CACNB2: variants seen among roughly 807,000 people sequenced by gnomAD.
CACNB2 encodes calcium voltage-gated channel auxiliary subunit beta 2, also known as voltage-dependent L-type calcium channel subunit beta-2.
Under a neutral mutation model 73.3 loss-of-function variants are expected in CACNB2, and 42 were observed. The observed-to-expected ratio is 0.57, with a 90% CI of 0.45 to 0.74. The LOEUF is 0.74. Among genes scored for constraint, CACNB2 ranks in the 30% least tolerant of loss-of-function variants. CACNB2 has a pLI of 0.00. For missense variants in CACNB2, 940 were observed against 853.0 expected, an observed-to-expected ratio of 1.10 and a Z score of -1.27; for synonymous variants, 348 against 310.3, an observed-to-expected ratio of 1.12 and a Z score of -1.28.
intron 2 of CACNB2, among the ~76,000 whole-genome samples, chr10:18,199,623 T>G (rs560953370): frequency 6.6e-6 from 1 of 152,304 alleles, no homozygotes; most frequent in African/African-American, 2.4e-5. Context: ...ATGTCAGATC[T>G]TATAAGGTAT....
chr10:18,408,456 C>A (rs1051479258), intron 3 of CACNB2, among the ~76,000 whole-genome samples: 1 of 151,962 alleles, frequency 6.6e-6, no homozygotes, highest in Non-Finnish European at 1.5e-5. Flanking sequence ...CCAGGCTGGT[C>A]TTGAACTCCT....
intron 2 of CACNB2, among the ~76,000 whole-genome samples, chr10:18,185,803 C>T (rs1295030201): frequency 6.6e-6 from 1 of 151,928 alleles, no homozygotes. Flanking sequence ...TACCATGTGC[C>T]AGAAACTGTT....
At chr10:18,371,770 A>G (rs965530665) in intron 2 of CACNB2, among the ~76,000 whole-genome samples, 1 of 152,196 alleles carries the variant, frequency 6.6e-6, no homozygotes, top group Non-Finnish European at 1.5e-5. Flanking sequence ...TCCCTGAGGA[A>G]TCACCACGCT....
intron 9 of CACNB2, among the ~76,000 whole-genome samples, chr10:18,522,719 G>T (rs1270247295): frequency 6.6e-6 from 1 of 151,770 alleles, no homozygotes; most frequent in African/African-American, 2.4e-5. Context: ...CTCTACTAAA[G>T]ATAAGAAAAT....
chr10:18,218,543 G>A (rs2035603444), intron 2 of CACNB2, among the ~76,000 whole-genome samples: 1 of 152,186 alleles, frequency 6.6e-6, no homozygotes, highest in Non-Finnish European at 1.5e-5. Flanking sequence ...GCATGTGTGT[G>A]CATGTAGGTA....
Position 18,152,141 on chromosome 10 carries a change from C to T in CACNB2, c.213+1166C>T, listed in dbSNP as rs749107372. 7.6e-4 allele frequency among the ~76,000 whole-genome samples: 116 copies of T among 152,138 alleles called. 2 individuals carry two copies. Among genetic ancestry groups the T allele is most frequent in the Non-Finnish European group, 1.9e-4 (13 of 68,036 alleles). ...ACTTGAACTTGTCCACCTGCAGCAT[C>T]GGTGGGGATTTTGATCTTGGCTGGT... On this transcript the variant is annotated intron_variant, in intron 2 of 13. Coordinates refer to ENST00000324631, the MANE Select transcript of CACNB2 (RefSeq NM_201596.3).
At chr10:18,304,684 C>T (rs1413562699) in intron 2 of CACNB2, among the ~76,000 whole-genome samples, 1 of 152,214 alleles carries the variant, frequency 6.6e-6, no homozygotes. Context: ...CGATCATCCT[C>T]TCTGTATTCT....
chr10:18,469,173 C>A (rs1435328933), intron 3 of CACNB2, among the ~76,000 whole-genome samples: 2 of 151,980 alleles, frequency 1.3e-5, no homozygotes. Flanking sequence ...CCAGGTGGTC[C>A]ATCCTGCAGT....
At chr10:18,522,919 C>T (rs1179747943) in intron 9 of CACNB2, among the ~76,000 whole-genome samples, 1 of 126,144 alleles carries the variant, frequency 7.9e-6, no homozygotes, top group African/African-American at 3.0e-5. Context: ...AAAAAGTGAT[C>T]AGGCAAAGAA....
intron 10 of CACNB2, among the ~76,000 whole-genome samples, chr10:18,531,098 C>A (rs561721729): frequency 1.3e-5 from 2 of 152,316 alleles, no homozygotes; most frequent in East Asian, 3.9e-4. Flanking sequence ...CATTAAATAA[C>A]TCATACTAGA....
chr10:18,150,495 C>G (rs906702938), intron 1 of CACNB2, among the ~76,000 whole-genome samples: 1 of 152,164 alleles, frequency 6.6e-6, no homozygotes, highest in Non-Finnish European at 1.5e-5. Context: ...GAAACCCTGT[C>G]TCTACTGAAA....
intron 2 of CACNB2, among the ~76,000 whole-genome samples, chr10:18,304,286 G>A (rs1027744409): frequency 6.6e-6 from 1 of 152,108 alleles, no homozygotes; most frequent in Non-Finnish European, 1.5e-5. Flanking sequence ...AGAATTGCAA[G>A]TCATGGTGGC....
intron 2 of CACNB2, among the ~76,000 whole-genome samples, chr10:18,217,837 C>T (rs1303727393): frequency 2.0e-5 from 3 of 151,938 alleles, no homozygotes; most frequent in Non-Finnish European, 4.4e-5. Context: ...CCAGTTCATG[C>T]ACTAAAATAT....
rs202152674 is a variant in CACNB2 at position 18,539,332 on chromosome 10, C to T, written c.1591C>T (p.Arg531Cys). ...GGAACCAGTCAAGAAATCCCAGCAC[C>T]GCTCTTCCTCCTCAGCCCCACACCA... is the stretch of plus-strand genomic sequence containing the variant. ...SVEPVKKSQH[R>C]SSSSAPHHNH... The change falls in exon 14 of 14, where the codon CGC (arginine) becomes TGC (cysteine). Residue 531 changes from arginine (R) to cysteine (C), a missense_variant. By Grantham distance (180) the Arg-to-Cys change is radical. Transcript: ENST00000324631. 7.2e-5 allele frequency: 116 copies of T among 1,614,106 alleles called. No homozygotes were observed. The highest frequency in any genetic ancestry group is 6.6e-4 in the Middle Eastern group (4 of 6,062).
chr10:18,286,890 C>T (rs1255488983), intron 2 of CACNB2, among the ~76,000 whole-genome samples: 4 of 152,180 alleles, frequency 2.6e-5, no homozygotes, highest in Non-Finnish European at 5.9e-5. Flanking sequence ...TGTTCACATT[C>T]AAGTTCATGA....
intron 10 of CACNB2, chr10:18,531,803 C>T (rs895488844): frequency 1.3e-5 from 2 of 151,674 alleles, no homozygotes; most frequent in Admixed American, 6.6e-5. Context: ...AAACATTGTT[C>T]CTGTTGTTGT....
chr10:18,416,694 CT>C (rs894661853), intron 3 of CACNB2, among the ~76,000 whole-genome samples: 4 of 152,132 alleles, frequency 2.6e-5, no homozygotes, highest in African/African-American at 9.7e-5. Context: ...AAATCTTCAA[CT>C]TTTTTTCAAT....
intron 2 of CACNB2, among the ~76,000 whole-genome samples, chr10:18,375,000 CTGTT>C (rs1002471153): frequency 1.3e-5 from 2 of 152,142 alleles, no homozygotes; most frequent in African/African-American, 4.8e-5. Context: ...TCTACTTTCT[CTGTT>C]TGTTAAAACT....
chr10:18,381,516 C>G (rs560544801), intron 2 of CACNB2, among the ~76,000 whole-genome samples: 4 of 151,658 alleles, frequency 2.6e-5, no homozygotes, highest in East Asian at 1.9e-4. Context: ...GGTGAAACCC[C>G]GTCTCTACTA....
Sources: gnomAD v4.1 joint callset for allele counts (sites outside exome capture counted in the v4.1 genomes callset) on GRCh38, gnomAD v4.1.1 for gene constraint, MANE v1.5 for transcripts, NCBI Gene and HGNC (gene_info 2026-07-23, HGNC 2026-07-21) for gene names.